Variants in RFX2 observed in about 807,000 individuals in gnomAD.
The protein encoded by RFX2 is DNA-binding protein RFX2.
Under a neutral mutation model 87.8 loss-of-function variants are expected in RFX2, and 20 were observed. That is an observed-to-expected ratio of 0.23 (90% CI 0.16 to 0.33). The LOEUF (loss-of-function observed/expected upper bound fraction) is 0.33, where lower values mean the gene tolerates loss of function less well. Among genes scored for constraint, RFX2 ranks in the 10% least tolerant of loss-of-function variants. The pLI is 1.00. For synonymous variants in RFX2, 397 were observed against 431.3 expected, an observed-to-expected ratio of 0.92 and a Z score of 0.98; for missense variants, 767 against 1,012.3, an observed-to-expected ratio of 0.76 and a Z score of 3.29.
At chr19:6,066,998 T>C (rs1179936002) in intron 1 of RFX2, among the ~76,000 whole-genome samples, 1 of 152,202 alleles carries the variant, frequency 6.6e-6, no homozygotes, top group Admixed American at 6.5e-5. Context: ...AAATAATCTC[T>C]TCTCTATAGT....
rs999271383 is a variant in RFX2 at position 5,997,916 on chromosome 19, C to A, written c.1860-703G>T. On this transcript the variant is annotated intron_variant, in intron 15 of 17. Transcript: ENST00000303657. This position sits in a 1 kb window ranked among gnomAD's most constrained non-coding sequence, Gnocchi z 4.2. ...GTGTCCACAGACAGTTTCACTGGCACGCGTCATGCCCGTTCCTATGTTGTC... is the reference window on the plus strand; with the variant it reads ...GTGTCCACAGACAGTTTCACTGGCAAGCGTCATGCCCGTTCCTATGTTGTC... Among the ~76,000 whole-genome samples, 3 of 152,162 alleles carry A rather than the reference C, an allele frequency of 2.0e-5. No homozygotes were observed. The highest frequency in any genetic ancestry group is 7.2e-5 in the African/African-American group (3 of 41,424).
At position 6,026,453 on chromosome 19, in the gene RFX2, T is replaced by TAAG. The variant is rs2086889760; in HGVS notation, c.523-219_523-217dup. 1.7e-6 allele frequency: 1 copy of TAAG among 590,218 alleles called. No homozygotes were observed. The highest frequency in any genetic ancestry group is 3.0e-6 in the Non-Finnish European group (1 of 333,198). 36.6% of individuals were successfully genotyped at this position (590,218 alleles called of 1,614,324 possible). On this transcript the variant is annotated intron_variant, in intron 5 of 17. Transcript: ENST00000303657. This position sits in a 1 kb window ranked among gnomAD's most constrained non-coding sequence, Gnocchi z 4.5. ...GGGAGTGTTGCTTCGCACACGTAGG[T>TAAG]AAGCCCGAGAGCCCGTCCAACAGAA...
chr19:6,092,763 C>G (rs1335537712), intron 1 of RFX2, among the ~76,000 whole-genome samples: 1 of 152,122 alleles, frequency 6.6e-6, no homozygotes, highest in Admixed American at 6.5e-5. Context: ...TGAGCACCTC[C>G]TAAGTGGCCC....
chr19:6,091,578 C>T lies in RFX2; in HGVS notation c.-9+18815G>A, dbSNP rs185396172. Among the ~76,000 whole-genome samples, 328 of 152,292 alleles carry T rather than the reference C, an allele frequency of 2.2e-3. 2 individuals are homozygous for T. Among genetic ancestry groups the T allele is most frequent in the Non-Finnish European group, 3.5e-3 (239 of 68,020 alleles). On this transcript the variant is annotated intron_variant, in intron 1 of 17. Coordinates refer to ENST00000303657, the MANE Select transcript of RFX2 (RefSeq NM_000635.4). ...AGAGACTAAAAGCATTCCTGCATTC[C>T]TCACCTCAGGAGAAGTAAAATGCAA...
Position 6,061,182 on chromosome 19 carries a change from C to G in RFX2, c.-8-13678G>C, listed in dbSNP as rs2087424214. On this transcript the variant is annotated intron_variant, in intron 1 of 17. Transcript: ENST00000303657. The surrounding 1 kb of genome is among the most constrained non-coding windows in gnomAD (Gnocchi z 5.2). Reference sequence around the variant, plus strand: ...TTTCAGTGAGCCCCTGCCTCCCTATCTCCTACCTGGAACCACCACATCCGC... The same window carrying G: ...TTTCAGTGAGCCCCTGCCTCCCTATGTCCTACCTGGAACCACCACATCCGC... Among the ~76,000 whole-genome samples the G allele has an allele frequency of 6.6e-6, 1 of 152,212 alleles. No homozygotes were observed.
chr19:6,066,095 A>G (rs776981975), intron 1 of RFX2, among the ~76,000 whole-genome samples: 32 of 152,228 alleles, frequency 2.1e-4, no homozygotes, highest in Admixed American at 9.2e-4. Flanking sequence ...AACAATCGCT[A>G]TCTCTGGCTT....
At chr19:6,042,019 T>C (rs2144766973) in intron 4 of RFX2, 25 bp downstream of exon 4, 1 of 1,603,562 alleles carries the variant, frequency 6.2e-7, no homozygotes. Context: ...GGGTTCCGGG[T>C]GTGGCCCGCG....
rs777161358 is a variant in RFX2 at position 5,997,644 on chromosome 19, G to A, written c.1860-431C>T. ...GGAGGCGCCTTTCCCCACCTTCCCCGTATCCTTGCCACCTCCCGCCATTCC... is the reference window on the plus strand; with the variant it reads ...GGAGGCGCCTTTCCCCACCTTCCCCATATCCTTGCCACCTCCCGCCATTCC... On this transcript the variant is annotated intron_variant, in intron 15 of 17. Coordinates refer to ENST00000303657, the MANE Select transcript of RFX2 (RefSeq NM_000635.4). The surrounding 1 kb of genome is among the most constrained non-coding windows in gnomAD (Gnocchi z 4.2). 7.2e-5 allele frequency among the ~76,000 whole-genome samples: 11 copies of A among 152,062 alleles called. No homozygotes were observed. The highest frequency in any genetic ancestry group is 1.7e-4 in the African/African-American group (7 of 41,388).
At chr19:6,008,285 G>T in intron 9 of RFX2, 61 bp from the exon 10 acceptor site, 4 of 1,022,648 alleles carry the variant, frequency 3.9e-6, no homozygotes, top group South Asian at 1.7e-5. Flanking sequence ...GTGGACAACT[G>T]GAAGGCCACG....
rs2086823120 is a variant in RFX2, at chr19:6,022,205, A to G, written c.597+3958T>C. 6.6e-6 allele frequency among the ~76,000 whole-genome samples: 1 copy of G among 152,116 alleles called. No homozygotes were observed. Among genetic ancestry groups the G allele is most frequent in the Non-Finnish European group, 1.5e-5 (1 of 68,008 alleles). On this transcript the variant is annotated intron_variant, in intron 6 of 17. Coordinates refer to ENST00000303657, the MANE Select transcript of RFX2 (RefSeq NM_000635.4). The surrounding 1 kb of genome is among the most constrained non-coding windows in gnomAD (Gnocchi z 6.2). Reference sequence around the variant, plus strand: ...AAGACACTAATCCGAGGCAGGCAGGAATTCCAAGGGAAAACAGCGGCACTT... The same window carrying G: ...AAGACACTAATCCGAGGCAGGCAGGGATTCCAAGGGAAAACAGCGGCACTT...
intron 1 of RFX2, among the ~76,000 whole-genome samples, chr19:6,089,334 T>C (rs1358272107): frequency 6.6e-6 from 1 of 151,724 alleles, no homozygotes; most frequent in Non-Finnish European, 1.5e-5. Context: ...GGATGTGGGG[T>C]TTTGGGCAGT....
chr19:6,065,684 A>T (rs984621562), intron 1 of RFX2, among the ~76,000 whole-genome samples: 4 of 152,162 alleles, frequency 2.6e-5, no homozygotes, highest in African/African-American at 9.7e-5. Flanking sequence ...TTGTTTAGAT[A>T]CTTTAAATAG....
Position 6,083,580 on chromosome 19 carries a change from T to G in RFX2, c.-9+26813A>C, listed in dbSNP as rs2087815494. 6.6e-6 allele frequency among the ~76,000 whole-genome samples: 1 copy of G among 151,952 alleles called. No homozygotes were observed. On this transcript the variant is annotated intron_variant, in intron 1 of 17. Transcript: ENST00000303657. This position sits in a 1 kb window ranked among gnomAD's most constrained non-coding sequence, Gnocchi z 4.6. ...TTTTTTTTAATTTTTATTCATTTATTTATTTATTCTGAGGCCGGGTCTTGC... is the reference window on the plus strand; with the variant it reads ...TTTTTTTTAATTTTTATTCATTTATGTATTTATTCTGAGGCCGGGTCTTGC...
chr19:6,050,351 T>C lies in RFX2; in HGVS notation c.-8-2847A>G, dbSNP rs113776597. Among the ~76,000 whole-genome samples the C allele has an allele frequency of 3.4e-3, 508 of 151,020 alleles. 3 individuals are homozygous for C. Among genetic ancestry groups the C allele is most frequent in the African/African-American group, 0.012 (482 of 41,098 alleles). On this transcript the variant is annotated intron_variant, in intron 1 of 17. Coordinates refer to ENST00000303657, the MANE Select transcript of RFX2 (RefSeq NM_000635.4). This position sits in a 1 kb window ranked among gnomAD's most constrained non-coding sequence, Gnocchi z 4.6. ...TACACTCAAAAGAAAGAGTAACAAATAAAAAGAAAAAAGAAAAGCAGTTAA... is the reference window on the plus strand; with the variant it reads ...TACACTCAAAAGAAAGAGTAACAAACAAAAAGAAAAAAGAAAAGCAGTTAA...
At chr19:6,062,545 C>T (rs531525763) in intron 1 of RFX2, among the ~76,000 whole-genome samples, 5 of 152,220 alleles carry the variant, frequency 3.3e-5, no homozygotes, top group South Asian at 2.1e-4. Context: ...TCCCGACCTA[C>T]GTGGAGCTTC....
intron 1 of RFX2, among the ~76,000 whole-genome samples, chr19:6,088,450 A>T (rs1481231869): frequency 6.6e-6 from 1 of 151,878 alleles, no homozygotes; most frequent in East Asian, 1.9e-4. Context: ...ACCTCAGGTG[A>T]TCCACCCGCC....
chr19:6,087,081 TG>T (rs554810895), intron 1 of RFX2, among the ~76,000 whole-genome samples: 2 of 152,286 alleles, frequency 1.3e-5, no homozygotes, highest in South Asian at 4.1e-4. Flanking sequence ...CAGGCAGATC[TG>T]TGGTCTTTAG....
chr19:6,062,859 G>A (rs1212457797), intron 1 of RFX2, among the ~76,000 whole-genome samples: 2 of 152,296 alleles, frequency 1.3e-5, no homozygotes, highest in African/African-American at 4.8e-5. Flanking sequence ...ATCCCCACAA[G>A]CAGTTCCCTG....
chr19:6,029,649 A>G (rs1362511546), intron 5 of RFX2, among the ~76,000 whole-genome samples: 2 of 152,198 alleles, frequency 1.3e-5, no homozygotes, highest in African/African-American at 4.8e-5. Flanking sequence ...CGGGGTTTGT[A>G]GTGAACTGAG....
Sources: allele counts gnomAD v4.1 joint callset (sites outside exome capture counted in the v4.1 genomes callset), GRCh38; gene constraint gnomAD v4.1.1; non-coding constraint Gnocchi (gnomAD v3.1); transcripts MANE v1.5; gene names NCBI Gene and HGNC (gene_info 2026-07-23, HGNC 2026-07-21).